EDA: variants seen among roughly 807,000 people sequenced by gnomAD.
EDA encodes ectodysplasin-A.
A neutral mutation model predicts 23.6 loss-of-function variants in EDA; 2 were observed. The observed-to-expected ratio is 0.08, with a 90% confidence interval of 0.03 to 0.27. The LOEUF is 0.27. Among genes scored for constraint, EDA ranks in the 10% least tolerant of loss-of-function variants. The pLI is 1.00. For synonymous variants in EDA, 131 were observed against 132.0 expected (o/e 0.99, Z 0.05); for missense variants, 229 against 324.2 (o/e 0.71, Z 2.26).
intron 1 of EDA, among the ~76,000 whole-genome samples, chrX:69,786,302 C>G (rs2015170809): frequency 1.8e-5 from 2 of 109,718 alleles, no homozygotes; most frequent in African/African-American, 6.6e-5. Flanking sequence ...CAGTTCTGCT[C>G]TGATTTTAGT....
chrX:69,785,087 T>C (rs2015107465), intron 1 of EDA, among the ~76,000 whole-genome samples: 1 of 104,898 alleles, frequency 9.5e-6, no homozygotes. Context: ...GATTTGGCTC[T>C]CTGTTTGTCT....
Position 69,910,928 on chromosome X carries a change from G to C in EDA, c.397-46099G>C, listed in dbSNP as rs1332772198. Among the ~76,000 whole-genome samples the C allele has an allele frequency of 3.6e-5, 4 of 111,751 alleles. No homozygotes were observed. In the East Asian group the frequency reaches 1.1e-3, roughly 31 times the overall value. On this transcript the variant is annotated intron_variant, in intron 1 of 7. Transcript: ENST00000374552. ...ATGTATCACTTCAGAGTTGGTCTCTGTTAGAATGAGTAACATTTTCTAGTT... is the reference window on the plus strand; with the variant it reads ...ATGTATCACTTCAGAGTTGGTCTCTCTTAGAATGAGTAACATTTTCTAGTT...
chrX:69,650,989 G>A lies in EDA; in HGVS notation c.396+34285G>A, dbSNP rs139594774. Among the ~76,000 whole-genome samples, 461 of 111,456 alleles carry A rather than the reference G, an allele frequency of 4.1e-3. 2 individuals are homozygous for A. Among genetic ancestry groups the A allele is most frequent in the African/African-American group, 0.014 (433 of 30,689 alleles). ...TGGAAAGTAGTTAGTAAGGGGGAAA[G>A]TTAGGCAAGATGAGATTGTAAAGGC... On this transcript the variant is annotated intron_variant, in intron 1 of 7. Transcript: ENST00000374552.
intron 1 of EDA, among the ~76,000 whole-genome samples, chrX:69,620,106 G>A (rs1932121988): frequency 8.9e-6 from 1 of 111,968 alleles, no homozygotes; most frequent in Non-Finnish European, 1.9e-5. Context: ...CAAACCATGA[G>A]CGAGATGAAT....
chrX:69,619,775 A>T (rs2768276), intron 1 of EDA, among the ~76,000 whole-genome samples: 2 of 112,114 alleles, frequency 1.8e-5, no homozygotes, highest in Non-Finnish European at 3.8e-5. Flanking sequence ...ATCACTGTTG[A>T]TCATTCTGTG....
At chrX:69,698,645 T>C (rs967097618) in intron 1 of EDA, among the ~76,000 whole-genome samples, 1 of 111,442 alleles carries the variant, frequency 9.0e-6, no homozygotes, top group Admixed American at 9.5e-5. Flanking sequence ...CAGAGTCTCA[T>C]GAGGGCAAAA....
At chrX:69,632,713 A>G (rs1156748529) in intron 1 of EDA, among the ~76,000 whole-genome samples, 1 of 111,454 alleles carries the variant, frequency 9.0e-6, no homozygotes, top group Admixed American at 9.5e-5. Flanking sequence ...CATTCCCCTC[A>G]CTAACTATAA....
At chrX:69,713,819 G>T (rs2147332917) in intron 1 of EDA, among the ~76,000 whole-genome samples, 1 of 111,273 alleles carries the variant, frequency 9.0e-6, no homozygotes, top group Non-Finnish European at 1.9e-5. Context: ...AAAGAAAGCT[G>T]CCATGAACAT....
chrX:69,925,653 G>T (rs1204602615), intron 1 of EDA, among the ~76,000 whole-genome samples: 1 of 111,030 alleles, frequency 9.0e-6, no homozygotes. Context: ...GTATCAGGAT[G>T]ATGCTGGCTT....
At chrX:69,902,423 C>T (rs762500152) in intron 1 of EDA, among the ~76,000 whole-genome samples, 2 of 111,056 alleles carry the variant, frequency 1.8e-5, no homozygotes, top group Non-Finnish European at 3.8e-5. Flanking sequence ...GATTCTTTGT[C>T]CTGCTTGCTT....
Position 69,616,452 on chromosome X carries a change from C to T in EDA, c.144C>T (p.Gly48=). Residue 48 remains glycine (G), a synonymous_variant, in exon 1 of 8, where the codon GGC becomes GGT. Transcript: ENST00000374552. The part of the protein sequence containing the change: ...NSCLLFLGFF[G]LSLALHLLTL... ...GCCTGCTCTTCCTGGGTTTCTTTGGCCTCTCGCTGGCCCTCCACCTGCTGA... is the reference window on the plus strand; with the variant it reads ...GCCTGCTCTTCCTGGGTTTCTTTGGTCTCTCGCTGGCCCTCCACCTGCTGA... The T allele has an allele frequency of 4.1e-6, 5 of 1,212,028 alleles. No individual in the cohort carries two copies. Among genetic ancestry groups the T allele is most frequent in the Non-Finnish European group, 4.5e-6 (4 of 895,488 alleles).
intron 2 of EDA, among the ~76,000 whole-genome samples, chrX:69,957,672 A>G (rs2019033407): frequency 9.0e-6 from 1 of 110,596 alleles, no homozygotes; most frequent in Non-Finnish European, 1.9e-5. Flanking sequence ...CTTTCTCAGT[A>G]TGTCTGAGAG....
chrX:69,937,335 C>A, intron 1 of EDA: 2 of 628,633 alleles, frequency 3.2e-6, no homozygotes, highest in Non-Finnish European at 5.5e-6. Flanking sequence ...TGATTTAGAT[C>A]CTGCCTGATG....
At chrX:69,864,968 GACA>G (rs1409693435) in intron 1 of EDA, among the ~76,000 whole-genome samples, 1 of 111,092 alleles carries the variant, frequency 9.0e-6, no homozygotes, top group African/African-American at 3.3e-5. Context: ...CAGCCTGGGT[GACA>G]GAGCGAGACT....
At chrX:69,749,815 G>A (rs1436902373) in intron 1 of EDA, 1 of 109,845 alleles carries the variant, frequency 9.1e-6, no homozygotes, top group Admixed American at 9.8e-5. Flanking sequence ...CGTTGACATA[G>A]GACTAATAGG....
At chrX:69,846,515 G>C (rs1177884409) in intron 1 of EDA, among the ~76,000 whole-genome samples, 1 of 110,985 alleles carries the variant, frequency 9.0e-6, no homozygotes, top group Non-Finnish European at 1.9e-5. Flanking sequence ...GGCTGATCTT[G>C]AACTCCTGAC....
At position 70,027,985 on chromosome X, in the gene EDA, C is replaced by T; in HGVS notation, c.655C>T (p.Pro219Ser). 8.4e-7 allele frequency: 1 copy of T among 1,192,599 alleles called. No individual in the cohort carries two copies. Among genetic ancestry groups the T allele is most frequent in the Non-Finnish European group, 1.1e-6 (1 of 886,074 alleles). Residue 219 changes from proline (P) to serine (S), a missense_variant, in exon 4 of 8, where the codon CCT becomes TCT. Around this residue, in one of 2 missense-constraint regions of EDA, gnomAD observed 175 missense variants for 281.8 expected, o/e 0.62. Transcript: ENST00000374552. ...AACAACTGTTATGGGACCACCTGGT[C>T]CTCCAGGTCCTCCTGGTCCTCAAGG... The part of the protein sequence containing the change: ...PGTTVMGPPG[P>S]PGPPGPQGPP...
At chrX:69,991,635 C>T (rs141872358) in intron 2 of EDA, among the ~76,000 whole-genome samples, 1,261 of 111,709 alleles carry the variant, frequency 0.011, 12 homozygotes, top group African/African-American at 0.035. Flanking sequence ...CCTAATTGGG[C>T]TCCCTTCTGC....
At chrX:69,678,719 T>G (rs1377509898) in intron 1 of EDA, among the ~76,000 whole-genome samples, 110 of 102,969 alleles carry the variant, frequency 1.1e-3, no homozygotes, top group African/African-American at 3.9e-3. Context: ...AAGGAGATTT[T>G]GGGCTGAGAC....
Sources: gnomAD v4.1 joint callset for allele counts (sites outside exome capture counted in the v4.1 genomes callset) on GRCh38, gnomAD v4.1.1 for gene constraint, gnomAD v4.1.1 regional missense constraint, MANE v1.5 for transcripts, NCBI Gene and HGNC (gene_info 2026-07-23, HGNC 2026-07-21) for gene names.